The following CSMD3 variants were observed in gnomAD, a reference collection of about 807,000 sequenced individuals.
The protein encoded by CSMD3 is CUB and Sushi multiple domains 3, also known as CUB and sushi domain-containing protein 3.
In CSMD3, 177 loss-of-function variants were observed where a neutral mutation model predicts 435.2. The observed-to-expected ratio is 0.41, with a 90% CI of 0.36 to 0.46. The LOEUF (loss-of-function observed/expected upper bound fraction) is 0.46. Ranked by LOEUF, CSMD3 falls within the 20% of genes least tolerant of loss-of-function variation. The pLI, the probability that CSMD3 is intolerant of heterozygous loss-of-function variation, is 0.34. For missense variants in CSMD3, 4,265 were observed against 4,504.6 expected (o/e 0.95, Z 1.52); for synonymous variants, 1,656 against 1,520.5 (o/e 1.09, Z -2.07).
At chr8:112,524,756 A>C (rs1469536569) in intron 27 of CSMD3, among the ~76,000 whole-genome samples, 1 of 152,000 alleles carries the variant, frequency 6.6e-6, no homozygotes, top group African/African-American at 2.4e-5. Context: ...TAGTTATACA[A>C]AATCTATTTT....
intron 27 of CSMD3, among the ~76,000 whole-genome samples, chr8:112,518,930 G>A (rs745901824): frequency 1.1e-4 from 17 of 151,838 alleles, no homozygotes; most frequent in Non-Finnish European, 2.1e-4. Context: ...AGAGTGAAGG[G>A]GAAAGTGCCA....
chr8:112,301,757 G>A (rs886409681), intron 53 of CSMD3, 36 bp downstream of exon 53: 1 of 1,533,436 alleles, frequency 6.5e-7, no homozygotes, highest in Non-Finnish European at 9.0e-7. Flanking sequence ...TGAGGGGCAG[G>A]GGGAAGTTTG....
chr8:113,107,217 C>T (rs1390560002), intron 4 of CSMD3, among the ~76,000 whole-genome samples: 1 of 152,204 alleles, frequency 6.6e-6, no homozygotes, highest in Non-Finnish European at 1.5e-5. Context: ...TGGCATCAGG[C>T]AGGGCCTGAT....
intron 45 of CSMD3, among the ~76,000 whole-genome samples, chr8:112,334,890 A>G (rs975089047): frequency 5.9e-5 from 9 of 152,296 alleles, no homozygotes; most frequent in Admixed American, 3.3e-4. Context: ...TTTTGAAACA[A>G]CAGTATAAAT....
chr8:112,632,609 A>G (rs1400888090), intron 22 of CSMD3, among the ~76,000 whole-genome samples: 1 of 152,032 alleles, frequency 6.6e-6, no homozygotes, highest in East Asian at 1.9e-4. Flanking sequence ...TATTTGCAAC[A>G]TGGCCTGGCT....
At chr8:113,218,769 C>A (rs1431211453) in intron 3 of CSMD3, among the ~76,000 whole-genome samples, 4 of 151,244 alleles carry the variant, frequency 2.6e-5, no homozygotes, top group African/African-American at 9.7e-5. Flanking sequence ...TAACCTTTAT[C>A]CAAAATGCTT....
At chr8:113,392,202 CCA>C (rs1019430679) in intron 1 of CSMD3, among the ~76,000 whole-genome samples, 2 of 151,938 alleles carry the variant, frequency 1.3e-5, no homozygotes, top group Non-Finnish European at 2.9e-5. Flanking sequence ...GGATCCTGAT[CCA>C]CAGACAATAC....
intron 2 of CSMD3, among the ~76,000 whole-genome samples, chr8:113,300,417 G>A (rs938694500): frequency 6.6e-6 from 1 of 152,062 alleles, no homozygotes; most frequent in African/African-American, 2.4e-5. Flanking sequence ...ATTCCCAATA[G>A]CAAAGTCATG....
intron 2 of CSMD3, chr8:113,311,309 G>A (rs2093866760): frequency 6.6e-6 from 1 of 151,940 alleles, no homozygotes; most frequent in African/African-American, 2.4e-5. Flanking sequence ...AGAAAAACAA[G>A]TAATATCATT....
intron 7 of CSMD3, among the ~76,000 whole-genome samples, chr8:112,955,274 T>C (rs567544100): frequency 5.3e-5 from 8 of 151,824 alleles, no homozygotes; most frequent in African/African-American, 1.9e-4. Context: ...GTCAATCATT[T>C]CCATTCATTA....
chr8:112,634,242 G>A (rs950687035), intron 22 of CSMD3, among the ~76,000 whole-genome samples: 11 of 150,606 alleles, frequency 7.3e-5, no homozygotes, highest in Admixed American at 6.6e-4. Flanking sequence ...ACTAAAATAT[G>A]GAAAAAAAAA....
At chr8:112,258,549 G>C (rs942002317) in intron 61 of CSMD3, among the ~76,000 whole-genome samples, 1 of 152,190 alleles carries the variant, frequency 6.6e-6, no homozygotes, top group Non-Finnish European at 1.5e-5. Flanking sequence ...CTGGTCATTA[G>C]AGAAATGCAA....
At chr8:112,848,759 CACA>C (rs2080400180) in intron 11 of CSMD3, among the ~76,000 whole-genome samples, 1 of 151,992 alleles carries the variant, frequency 6.6e-6, no homozygotes, top group African/African-American at 2.4e-5. Context: ...AGATGATCTG[CACA>C]ACAATTCAGG....
chr8:113,320,306 T>A (rs1000017912), intron 1 of CSMD3, among the ~76,000 whole-genome samples: 3 of 152,116 alleles, frequency 2.0e-5, no homozygotes, highest in African/African-American at 7.2e-5. Context: ...GTACTTACAG[T>A]TGAAAGGTAA....
intron 56 of CSMD3, among the ~76,000 whole-genome samples, chr8:112,290,470 T>C (rs1430683878): frequency 6.6e-6 from 1 of 151,956 alleles, no homozygotes; most frequent in Non-Finnish European, 1.5e-5. Context: ...ATTATTCAAA[T>C]AATTAGACCA....
intron 13 of CSMD3, among the ~76,000 whole-genome samples, chr8:112,762,185 GCAT>G (rs2077855410): frequency 6.6e-6 from 1 of 151,978 alleles, no homozygotes; most frequent in Non-Finnish European, 1.5e-5. Context: ...AAATTTATCT[GCAT>G]CATCTTTTTA....
intron 38 of CSMD3, among the ~76,000 whole-genome samples, chr8:112,362,464 T>C (rs1265847954): frequency 1.3e-5 from 2 of 151,996 alleles, no homozygotes; most frequent in Admixed American, 6.6e-5. Flanking sequence ...TACACACTAC[T>C]TATCAAATTT....
intron 32 of CSMD3, among the ~76,000 whole-genome samples, chr8:112,454,440 A>C: frequency 6.6e-6 from 1 of 152,188 alleles, no homozygotes; most frequent in East Asian, 1.9e-4. Context: ...AACTCCACCA[A>C]AACATGGGCA....
chr8:113,131,121 T>C (rs553068478), intron 4 of CSMD3, among the ~76,000 whole-genome samples: 2 of 152,178 alleles, frequency 1.3e-5, no homozygotes, highest in South Asian at 4.1e-4. Context: ...AAGCAGAACA[T>C]AAAAATTTGG....
Sources: allele counts gnomAD v4.1 joint callset (sites outside exome capture counted in the v4.1 genomes callset), GRCh38; gene constraint gnomAD v4.1.1; transcripts MANE v1.5; gene names NCBI Gene and HGNC (gene_info 2026-07-23, HGNC 2026-07-21).